TUSC3: variants seen among roughly 807,000 people sequenced by gnomAD.
The protein encoded by TUSC3 is dolichyl-diphosphooligosaccharide--protein glycosyltransferase subunit TUSC3.
In TUSC3, 45 loss-of-function variants were observed where a neutral mutation model predicts 44.8. That is an observed-to-expected ratio of 1.00 (90% confidence interval 0.79 to 1.29). TUSC3 has a LOEUF of 1.29. TUSC3 is among the 50% of genes most tolerant of loss of function. The pLI, the probability that TUSC3 is intolerant of heterozygous loss-of-function variation, is 0.00. For missense variants in TUSC3, 519 were observed against 437.9 expected, an observed-to-expected ratio of 1.19 and a Z score of -1.65; for synonymous variants, 212 against 152.9, an observed-to-expected ratio of 1.39 and a Z score of -2.85.
chr8:15,654,188 G>A (rs987023272), intron 3 of TUSC3, among the ~76,000 whole-genome samples: 1 of 152,136 alleles, frequency 6.6e-6, no homozygotes, highest in East Asian at 1.9e-4. Context: ...GTTTTCATGT[G>A]GGGAGTGAGG....
intron 5 of TUSC3, among the ~76,000 whole-genome samples, chr8:15,670,951 A>C (rs1807918779): frequency 6.6e-6 from 1 of 151,972 alleles, no homozygotes; most frequent in East Asian, 1.9e-4. Context: ...TTAATCAGGG[A>C]AATGCAAATA....
At chr8:15,770,985 A>G (rs1235561570), downstream of TUSC3, among the ~76,000 whole-genome samples, 1 of 152,194 alleles carries the variant, frequency 6.6e-6, no homozygotes, top group Non-Finnish European at 1.5e-5. Flanking sequence ...AAAACTGTCA[A>G]GAGATCAGGA....
At chr8:15,751,618 A>G (rs1206030752) in intron 9 of TUSC3, among the ~76,000 whole-genome samples, 1 of 152,212 alleles carries the variant, frequency 6.6e-6, no homozygotes, top group Non-Finnish European at 1.5e-5. Context: ...GTGTTCAAAG[A>G]GCTCACTGAA....
intron 1 of TUSC3, among the ~76,000 whole-genome samples, chr8:15,572,192 C>T (rs1206254938): frequency 6.6e-6 from 1 of 152,158 alleles, no homozygotes; most frequent in Non-Finnish European, 1.5e-5. Flanking sequence ...TTTAGTATAC[C>T]CGTCTCCATC....
chr8:15,526,087 C>T (rs1430858595), intron 2 of TUSC3, among the ~76,000 whole-genome samples: 1 of 151,890 alleles, frequency 6.6e-6, no homozygotes, highest in Non-Finnish European at 1.5e-5. Context: ...GGCTGGAGTG[C>T]AGTGGCACCA....
At chr8:15,793,171 G>A in the TUSC3 span, among the ~76,000 whole-genome samples, 1 of 151,938 alleles carries the variant, frequency 6.6e-6, no homozygotes, top group South Asian at 2.1e-4. Flanking sequence ...TCTGACATAT[G>A]CTCTCCTGTC....
intron 1 of TUSC3, among the ~76,000 whole-genome samples, chr8:15,450,316 A>G (rs559046843): frequency 1.3e-5 from 2 of 152,284 alleles, no homozygotes; most frequent in East Asian, 3.9e-4. Context: ...CTGCCCCTTT[A>G]TACATATTTG....
chr8:15,696,053 A>G (rs1809146222), intron 6 of TUSC3, among the ~76,000 whole-genome samples: 1 of 152,230 alleles, frequency 6.6e-6, no homozygotes, highest in Non-Finnish European at 1.5e-5. Context: ...GGAAATTTGC[A>G]TAAGTAATGA....
intron 2 of TUSC3, among the ~76,000 whole-genome samples, chr8:15,639,027 G>A (rs1287926094): frequency 1.4e-5 from 2 of 146,418 alleles, no homozygotes; most frequent in Non-Finnish European, 2.9e-5. Context: ...GTCGATGCTA[G>A]ATCACGTGAT....
At chr8:15,630,182 A>G (rs1371589327) in intron 2 of TUSC3, among the ~76,000 whole-genome samples, 1 of 152,214 alleles carries the variant, frequency 6.6e-6, no homozygotes, top group Non-Finnish European at 1.5e-5. Context: ...ATTTAAGAAG[A>G]AAATTCAGTT....
At chr8:15,461,703 G>T (rs943312568) in intron 1 of TUSC3, among the ~76,000 whole-genome samples, 1 of 150,498 alleles carries the variant, frequency 6.6e-6, no homozygotes, top group South Asian at 2.1e-4. Context: ...ATTGAGTTAC[G>T]TCCCTTGTGT....
intron 6 of TUSC3, among the ~76,000 whole-genome samples, chr8:15,677,290 G>A (rs1808233916): frequency 6.6e-6 from 1 of 152,138 alleles, no homozygotes; most frequent in African/African-American, 2.4e-5. Context: ...CTGAGCCACT[G>A]TGCCCATCTG....
intron 2 of TUSC3, among the ~76,000 whole-genome samples, chr8:15,534,200 A>G (rs902251035): frequency 6.6e-6 from 1 of 152,176 alleles, no homozygotes; most frequent in Non-Finnish European, 1.5e-5. Flanking sequence ...ATAAAATGAA[A>G]AGATCTTAGT....
chr8:15,840,342 G>A, the TUSC3 span, among the ~76,000 whole-genome samples: 101 of 152,080 alleles, frequency 6.6e-4, no homozygotes, highest in Non-Finnish European at 1.2e-3. Context: ...AAACCTGCAC[G>A]TTGTACACAT....
At chr8:15,532,110 G>T (rs1801458769) in intron 2 of TUSC3, among the ~76,000 whole-genome samples, 1 of 151,528 alleles carries the variant, frequency 6.6e-6, no homozygotes, top group East Asian at 1.9e-4. Flanking sequence ...TCTTTTCCTT[G>T]CAGATAGGAG....
At chr8:15,639,479 TA>T (rs1269820748) in intron 2 of TUSC3, among the ~76,000 whole-genome samples, 3 of 152,224 alleles carry the variant, frequency 2.0e-5, no homozygotes, top group Non-Finnish European at 4.4e-5. Context: ...TTTATTTCTC[TA>T]AAAATGCTTT....
At chr8:15,771,635 A>G (rs1185522820), downstream of TUSC3, among the ~76,000 whole-genome samples, 1 of 152,290 alleles carries the variant, frequency 6.6e-6, no homozygotes, top group East Asian at 1.9e-4. Flanking sequence ...GTGGAAAATA[A>G]ATAATATAAA....
the TUSC3 span, among the ~76,000 whole-genome samples, chr8:15,774,688 A>G: frequency 2.0e-5 from 3 of 152,208 alleles, no homozygotes; most frequent in Non-Finnish European, 2.9e-5. Flanking sequence ...AGTAAACATC[A>G]GAGTAAAATA....
intron 2 of TUSC3, among the ~76,000 whole-genome samples, chr8:15,494,437 C>T (rs1800852320): frequency 6.6e-6 from 1 of 151,834 alleles, no homozygotes; most frequent in South Asian, 2.1e-4. Context: ...GCTGCCTCAG[C>T]CTCCGGAGTA....
Sources: gnomAD v4.1 joint callset for allele counts (sites outside exome capture counted in the v4.1 genomes callset) on GRCh38, gnomAD v4.1.1 for gene constraint, MANE v1.5 for transcripts, NCBI Gene and HGNC (gene_info 2026-07-23, HGNC 2026-07-21) for gene names.